ANO1: variants seen among roughly 807,000 people sequenced by gnomAD.
The protein encoded by ANO1 is anoctamin-1.
In ANO1, 59 loss-of-function variants were observed where a neutral mutation model predicts 124.0. The ratio of observed to expected loss-of-function variants is 0.48; its 90% CI spans 0.39 to 0.59. The LOEUF is 0.59. ANO1 is among the 20% of genes least tolerant of loss of function. ANO1 has a pLI of 0.00. For missense variants in ANO1, 1,059 were observed against 1,328.0 expected, an observed-to-expected ratio of 0.80 and a Z score of 3.15; for synonymous variants, 529 against 532.0, an observed-to-expected ratio of 0.99 and a Z score of 0.08.
At chr11:70,012,285 C>CCCAT (rs1190550069) in intron 1 of ANO1, among the ~76,000 whole-genome samples, 4 of 144,116 alleles carry the variant, frequency 2.8e-5, no homozygotes, top group Non-Finnish European at 3.0e-5. Context: ...CATCCTTTCA[C>CCCAT]CCATCCATCC....
At chr11:70,087,728 G>A in intron 1 of ANO1, 24 bp from the exon 2 acceptor site, 1 of 1,557,194 alleles carries the variant, frequency 6.4e-7, no homozygotes, top group Non-Finnish European at 8.7e-7. Flanking sequence ...GATGGTGAAT[G>A]GGTGTCTTTT....
chr11:70,109,335 C>T (rs553392974), intron 6 of ANO1, among the ~76,000 whole-genome samples: 34 of 152,240 alleles, frequency 2.2e-4, no homozygotes, highest in African/African-American at 7.9e-4. Flanking sequence ...AGGTCAGGCC[C>T]GGGAGACAGA....
chr11:70,060,779 G>A (rs1857555046), intron 1 of ANO1, among the ~76,000 whole-genome samples: 2 of 152,182 alleles, frequency 1.3e-5, no homozygotes, highest in African/African-American at 4.8e-5. Context: ...AAGGCAACAG[G>A]TCATGGGCCT....
At chr11:70,048,490 A>G (rs1857294727) in intron 1 of ANO1, among the ~76,000 whole-genome samples, 1 of 152,004 alleles carries the variant, frequency 6.6e-6, no homozygotes, top group African/African-American at 2.4e-5. Context: ...GGTGTGGTTT[A>G]TCGATTAGAC....
chr11:70,011,979 TATCC>T (rs1856605249), intron 1 of ANO1, among the ~76,000 whole-genome samples: 1 of 152,054 alleles, frequency 6.6e-6, no homozygotes, highest in Admixed American at 6.6e-5. Flanking sequence ...TCCACCCATC[TATCC>T]ATCCATCCAT....
chr11:69,980,502 T>G, the ANO1 span, among the ~76,000 whole-genome samples: 2 of 151,694 alleles, frequency 1.3e-5, no homozygotes, highest in African/African-American at 2.4e-5. Flanking sequence ...GCGCCTGTAG[T>G]CCCAGCTACT....
At chr11:70,046,039 T>C (rs1469721244) in intron 1 of ANO1, among the ~76,000 whole-genome samples, 1 of 152,144 alleles carries the variant, frequency 6.6e-6, no homozygotes. Flanking sequence ...ACTCTGTCCT[T>C]GAGTCTGGCC....
At chr11:70,059,348 C>CAAAAAAAAAAAAAAAAAAA in intron 1 of ANO1, among the ~76,000 whole-genome samples, 1 of 75,102 alleles carries the variant, frequency 1.3e-5, no homozygotes, top group Non-Finnish European at 2.4e-5. Flanking sequence ...GAGACACTGT[C>CAAAAAAAAAAAAAAAAAAA]AAAAAAAAAA....
the ANO1 span, among the ~76,000 whole-genome samples, chr11:69,969,657 A>G: frequency 6.6e-6 from 1 of 152,006 alleles, no homozygotes; most frequent in Admixed American, 6.6e-5. Flanking sequence ...GCCTCAAGAG[A>G]CCCGGATGCG....
intron 23 of ANO1, among the ~76,000 whole-genome samples, chr11:70,181,144 C>A (rs1347796978): frequency 6.6e-6 from 1 of 152,214 alleles, no homozygotes; most frequent in Non-Finnish European, 1.5e-5. Context: ...TCTGCTGTGC[C>A]AGGGGCCCAT....
At chr11:69,972,278 C>T in the ANO1 span, among the ~76,000 whole-genome samples, 111 of 151,344 alleles carry the variant, frequency 7.3e-4, no homozygotes, top group Middle Eastern at 0.014. Flanking sequence ...AAAATGCCGG[C>T]GTTATCTCAG....
upstream of ANO1, among the ~76,000 whole-genome samples, chr11:69,984,740 G>A (rs1468227237): frequency 2.6e-5 from 4 of 152,154 alleles, no homozygotes; most frequent in South Asian, 8.3e-4. Flanking sequence ...TGGGCACTAG[G>A]TGAAGTGTTA....
chr11:70,167,029 C>T (rs2048279999), intron 20 of ANO1, among the ~76,000 whole-genome samples: 1 of 152,108 alleles, frequency 6.6e-6, no homozygotes, highest in Non-Finnish European at 1.5e-5. Context: ...TGCCTATAGT[C>T]CCAGCTACTC....
At chr11:70,074,134 C>T (rs1036672384), upstream of ANO1, among the ~76,000 whole-genome samples, 7 of 152,142 alleles carry the variant, frequency 4.6e-5, no homozygotes, top group African/African-American at 9.7e-5. Flanking sequence ...CGCGGGTTGC[C>T]GGGCAGCACG....
At chr11:70,139,967 C>T (rs1249821021) in intron 11 of ANO1, among the ~76,000 whole-genome samples, 1 of 152,192 alleles carries the variant, frequency 6.6e-6, no homozygotes, top group Non-Finnish European at 1.5e-5. Flanking sequence ...AGAGTAGTTT[C>T]CCCGTCTGAC....
At chr11:70,072,486 G>A (rs1197282092) in intron 1 of ANO1, 2 of 152,208 alleles carry the variant, frequency 1.3e-5, no homozygotes, top group Non-Finnish European at 2.9e-5. Context: ...GGTTTTGCAG[G>A]AAAGCGTCAG....
chr11:70,007,059 C>T (rs76145066), intron 1 of ANO1, among the ~76,000 whole-genome samples: 1,530 of 152,210 alleles, frequency 0.01, 18 homozygotes, highest in Non-Finnish European at 0.016. Context: ...GCTGTGCATA[C>T]TGAAACTCTG....
chr11:70,085,679 GC>G, intron 1 of ANO1: 1 of 1,466,984 alleles, frequency 6.8e-7, no homozygotes. Flanking sequence ...AGGTGGGGCA[GC>G]CCCCAACCAG....
At chr11:70,045,520 A>G (rs1162379187) in intron 1 of ANO1, among the ~76,000 whole-genome samples, 3 of 152,228 alleles carry the variant, frequency 2.0e-5, no homozygotes, top group Non-Finnish European at 4.4e-5. Flanking sequence ...ACATTAAAGA[A>G]CAACAGCAAC....
Sources: allele counts gnomAD v4.1 joint callset (sites outside exome capture counted in the v4.1 genomes callset), GRCh38; gene constraint gnomAD v4.1.1; transcripts MANE v1.5; gene names NCBI Gene and HGNC (gene_info 2026-07-23, HGNC 2026-07-21).